ANKS1B: variants seen among roughly 807,000 people sequenced by gnomAD.
ANKS1B encodes the protein ankyrin repeat and sterile alpha motif domain-containing protein 1B.
In ANKS1B, 36 loss-of-function variants were observed where a neutral mutation model predicts 148.3. The ratio of observed to expected loss-of-function variants is 0.24; its 90% CI spans 0.19 to 0.32. ANKS1B has a LOEUF of 0.32. Ranked by LOEUF, ANKS1B falls within the 10% of genes least tolerant of loss-of-function variation. ANKS1B has a pLI of 1.00. For synonymous variants in ANKS1B, 542 were observed against 560.8 expected (o/e 0.97, Z 0.47); for missense variants, 1,157 against 1,542.6 (o/e 0.75, Z 4.19).
chr12:99,058,489 T>A (rs895026447), intron 16 of ANKS1B, among the ~76,000 whole-genome samples: 5 of 151,908 alleles, frequency 3.3e-5, no homozygotes, highest in Non-Finnish European at 7.4e-5. Flanking sequence ...GCTCAAGCGA[T>A]CTGCCTGCCT....
intron 17 of ANKS1B, among the ~76,000 whole-genome samples, chr12:98,881,947 A>G (rs1357554625): frequency 6.6e-6 from 1 of 152,152 alleles, no homozygotes; most frequent in Admixed American, 6.5e-5. Flanking sequence ...AAATGAATCT[A>G]TCTCATGTAA....
At chr12:99,980,264 TAAAG>T (rs376610620) in intron 1 of ANKS1B, among the ~76,000 whole-genome samples, 87 of 152,048 alleles carry the variant, frequency 5.7e-4, no homozygotes, top group Non-Finnish European at 1.2e-3. Flanking sequence ...AGATCAATAA[TAAAG>T]AGATAATAAT....
intron 12 of ANKS1B, among the ~76,000 whole-genome samples, chr12:99,334,418 G>A (rs1207780846): frequency 1.3e-5 from 2 of 152,114 alleles, no homozygotes; most frequent in East Asian, 3.9e-4. Context: ...CAGAATGGAA[G>A]CTGCCCACAC....
chr12:99,159,544 C>T (rs1302666605), intron 14 of ANKS1B, among the ~76,000 whole-genome samples: 1 of 152,100 alleles, frequency 6.6e-6, no homozygotes, highest in Admixed American at 6.5e-5. Flanking sequence ...TATGTTGCTG[C>T]AAAGGATATA....
In ANKS1B at chr12:99,717,403, C is replaced by T. The variant is rs575146172; in HGVS notation, c.1128+55519G>A. Among the ~76,000 whole-genome samples, 157 of 152,342 alleles carry T rather than the reference C, an allele frequency of 1.0e-3. 1 individual carries two copies. The highest frequency in any genetic ancestry group is 1.9e-3 in the Non-Finnish European group (126 of 68,030). ...TCTCCAGCATACAAGAACTTCCAAA[C>T]GCCTAAACCGCAGTGGCCAGGTGTT... On this transcript the variant is annotated intron_variant, in intron 8 of 26. Coordinates refer to ENST00000683438, the MANE Select transcript of ANKS1B (RefSeq NM_001352186.2).
At chr12:99,914,630 C>T (rs964605944) in intron 1 of ANKS1B, among the ~76,000 whole-genome samples, 1 of 152,020 alleles carries the variant, frequency 6.6e-6, no homozygotes. Flanking sequence ...AGCTTAGCTA[C>T]AAAGACAACT....
chr12:98,841,814 C>T (rs951303426), intron 17 of ANKS1B, among the ~76,000 whole-genome samples: 12 of 152,048 alleles, frequency 7.9e-5, no homozygotes, highest in African/African-American at 2.9e-4. Context: ...CCTTTGTCCC[C>T]ACCCCCACCA....
chr12:99,316,634 A>G (rs1241721175), intron 12 of ANKS1B, among the ~76,000 whole-genome samples: 1 of 152,008 alleles, frequency 6.6e-6, no homozygotes, highest in African/African-American at 2.4e-5. Context: ...GTTCACTCTG[A>G]TGGTAGTTTC....
chr12:98,840,698 C>T (rs1293089455), intron 17 of ANKS1B, among the ~76,000 whole-genome samples: 1 of 152,134 alleles, frequency 6.6e-6, no homozygotes, highest in African/African-American at 2.4e-5. Flanking sequence ...CTCTGAATTA[C>T]CTCTTGATGA....
chr12:99,521,923 T>C (rs1261733810), intron 9 of ANKS1B, among the ~76,000 whole-genome samples: 2 of 152,192 alleles, frequency 1.3e-5, no homozygotes, highest in Non-Finnish European at 2.9e-5. Flanking sequence ...GGCTCAGTGA[T>C]CAGCAGGTAG....
intron 25 of ANKS1B, among the ~76,000 whole-genome samples, chr12:98,767,325 T>C (rs2098497867): frequency 6.6e-6 from 1 of 152,170 alleles, no homozygotes; most frequent in African/African-American, 2.4e-5. Flanking sequence ...CATGTTTTCC[T>C]GCGTTTTGTC....
intron 9 of ANKS1B, chr12:99,649,410 C>G: frequency 1.9e-6 from 3 of 1,592,326 alleles, no homozygotes; most frequent in Non-Finnish European, 2.6e-6. Context: ...TCCAACATAC[C>G]TCCCACATAT....
chr12:98,828,088 TAA>T (rs2099265096), intron 19 of ANKS1B, among the ~76,000 whole-genome samples: 1 of 152,136 alleles, frequency 6.6e-6, no homozygotes, highest in African/African-American at 2.4e-5. Context: ...CCCCTTTCAA[TAA>T]AAGAGTCTCC....
At chr12:98,810,835 C>T (rs986892930) in intron 19 of ANKS1B, among the ~76,000 whole-genome samples, 1 of 152,198 alleles carries the variant, frequency 6.6e-6, no homozygotes, top group Non-Finnish European at 1.5e-5. Context: ...AAACTCATAT[C>T]TGATTCAAAC....
chr12:98,969,004 G>A (rs1373296611), intron 17 of ANKS1B, among the ~76,000 whole-genome samples: 1 of 152,148 alleles, frequency 6.6e-6, no homozygotes, highest in East Asian at 1.9e-4. Flanking sequence ...TTCTAATGAT[G>A]CGTTGGTTTT....
At chr12:99,646,610 C>T (rs541004050) in intron 9 of ANKS1B, among the ~76,000 whole-genome samples, 5 of 140,982 alleles carry the variant, frequency 3.5e-5, no homozygotes, top group South Asian at 2.2e-4. Flanking sequence ...GCCAAGATCA[C>T]GCCACTGATT....
intron 24 of ANKS1B, 134 bp downstream of exon 24, chr12:98,780,981 ATG>A: frequency 1.6e-6 from 1 of 608,114 alleles, no homozygotes; most frequent in African/African-American, 1.9e-5. Flanking sequence ...CTATAGGTAT[ATG>A]TAGGAAGCAT....
At position 99,984,607 on chromosome 12, in the gene ANKS1B, G is replaced by C. The variant is rs536278315; in HGVS notation, c.-370C>G. 3.5e-5 allele frequency: 6 copies of C among 172,790 alleles called. No homozygotes were observed. In the East Asian group the frequency reaches 9.4e-4, roughly 27 times the overall value. The allele number at this position is 172,790 out of a possible 1,614,324, so 10.7% of individuals were successfully genotyped here. ...AGGGTGGTGAGGACTGAGGTCGGAG[G>C]AGGAGGAGGAGGCGGCAGAGAGAGT... On this transcript the variant is annotated 5_prime_UTR_variant, in exon 1 of 27. Transcript: ENST00000683438.
intron 16 of ANKS1B, among the ~76,000 whole-genome samples, chr12:99,074,347 T>C (rs1170361928): frequency 6.7e-6 from 1 of 150,080 alleles, no homozygotes; most frequent in East Asian, 2.0e-4. Context: ...AAAAAAACAC[T>C]AAAAAGTTCT....
Sources: allele counts gnomAD v4.1 joint callset (sites outside exome capture counted in the v4.1 genomes callset), GRCh38; gene constraint gnomAD v4.1.1; transcripts MANE v1.5; gene names NCBI Gene and HGNC (gene_info 2026-07-23, HGNC 2026-07-21).